Variants in WNK1 observed in about 807,000 individuals in gnomAD.
WNK1 encodes WNK lysine deficient protein kinase 1, also known as serine/threonine-protein kinase WNK1.
Under a neutral mutation model 222.8 loss-of-function variants are expected in WNK1, and 38 were observed. The ratio of observed to expected loss-of-function variants is 0.17; its 90% confidence interval spans 0.13 to 0.22. The LOEUF (loss-of-function observed/expected upper bound fraction) is 0.22. Ranked by LOEUF, WNK1 falls within the 10% of genes least tolerant of loss-of-function variation. The probability of loss-of-function intolerance (pLI) is 1.00; values close to 1 mark genes in which losing one functional copy is unlikely to be tolerated. For missense variants in WNK1, 2,348 were observed against 2,918.4 expected (o/e 0.80, Z 4.50); for synonymous variants, 1,090 against 1,092.9 (o/e 1.00, Z 0.05).
intron 4 of WNK1, among the ~76,000 whole-genome samples, chr12:848,983 A>G (rs1036351783): frequency 6.6e-6 from 1 of 152,082 alleles, no homozygotes; most frequent in Non-Finnish European, 1.5e-5. Context: ...TATCTGATGG[A>G]CCTTTGAGGC....
chr12:764,817 C>T (rs1383543845), intron 1 of WNK1, among the ~76,000 whole-genome samples: 1 of 147,210 alleles, frequency 6.8e-6, no homozygotes, highest in Non-Finnish European at 1.5e-5. Flanking sequence ...CCCTAGATTT[C>T]TGCACTGTTC....
chr12:779,826 A>G (rs1371379306), intron 1 of WNK1, among the ~76,000 whole-genome samples: 4 of 151,854 alleles, frequency 2.6e-5, no homozygotes, highest in African/African-American at 9.7e-5. Flanking sequence ...AGAACAAAGC[A>G]TTTTCTCTGT....
At chr12:896,020 GA>G in intron 23 of WNK1, 50 bp from the exon 24 acceptor site, 1 of 1,609,282 alleles carries the variant, frequency 6.2e-7, no homozygotes, top group South Asian at 1.1e-5. Flanking sequence ...GTCTGTGATA[GA>G]AATTGGATAT....
chr12:802,007 C>T (rs1212453833), intron 1 of WNK1, among the ~76,000 whole-genome samples: 3 of 152,026 alleles, frequency 2.0e-5, no homozygotes. Flanking sequence ...ATCAACTTCC[C>T]CTCACAGTTT....
chr12:804,087 T>C (rs982075499), intron 1 of WNK1, among the ~76,000 whole-genome samples: 1 of 152,226 alleles, frequency 6.6e-6, no homozygotes, highest in South Asian at 2.1e-4. Context: ...CTTTTTCTCA[T>C]GTACCTCAAG....
chr12:868,948 T>C (rs1224091175), intron 8 of WNK1: 2 of 1,589,084 alleles, frequency 1.3e-6, no homozygotes, highest in Non-Finnish European at 1.7e-6. Context: ...GGGGAGCAGC[T>C]GCACCTTTTG....
At chr12:784,874 G>A (rs920438495) in intron 1 of WNK1, among the ~76,000 whole-genome samples, 34 of 151,842 alleles carry the variant, frequency 2.2e-4, no homozygotes, top group African/African-American at 8.2e-4. Flanking sequence ...TCTCTTTCTT[G>A]GTCTCCTCAT....
rs568749583 is a variant in WNK1, at chr12:888,122, TA to T, written c.5364+821del. Among the ~76,000 whole-genome samples the T allele has an allele frequency of 8.3e-4, 126 of 152,368 alleles. 1 individual carries two copies. The highest frequency in any genetic ancestry group is 6.8e-3 in the Middle Eastern group (2 of 294). ...GAGACAAGCCAGTAAACTTTTAAAC[TA>T]AATTAGGAATTTATTTTTGAATCAT... On this transcript the variant is annotated intron_variant, in intron 20 of 27. Transcript: ENST00000315939.
At position 885,507 on chromosome 12, in the gene WNK1, A is replaced by C. The variant is rs776834411; in HGVS notation, c.4703A>C (p.His1568Pro). 6.8e-6 allele frequency: 11 copies of C among 1,613,948 alleles called. No individual in the cohort carries two copies. The African/African-American group carries it at 1.3e-4, about 20-fold the overall frequency. The change falls in exon 19 of 28, where the codon CAT becomes CCT. Residue 1568 changes from histidine (H) to proline (P), a missense_variant. His to Pro is a moderately conservative substitution (Grantham distance 77). Around this residue, in one of 13 missense-constraint regions of WNK1, gnomAD observed 1,144 missense variants for 1,273.6 expected, o/e 0.90. Coordinates refer to ENST00000315939, the MANE Select transcript of WNK1 (RefSeq NM_018979.4). ...SSYISQPGGL[H>P]PLVIPSVIAS... ...TATATTTCTCAGCCTGGTGGGCTGC[A>C]TCCTTTGGTCATTCCATCAGTGATA...
intron 1 of WNK1, among the ~76,000 whole-genome samples, chr12:801,190 A>G (rs909408223): frequency 6.6e-6 from 1 of 152,178 alleles, no homozygotes; most frequent in Admixed American, 6.5e-5. Flanking sequence ...ACAGTAAAGT[A>G]AGCTGTTTAT....
chr12:906,605 A>G, intron 26 of WNK1: 1 of 985,320 alleles, frequency 1.0e-6, no homozygotes, highest in South Asian at 4.7e-5. Context: ...TTTCCTCATG[A>G]ATAATCTTGT....
intron 2 of WNK1, among the ~76,000 whole-genome samples, chr12:818,064 A>G (rs573354084): frequency 6.6e-6 from 1 of 152,342 alleles, no homozygotes; most frequent in East Asian, 1.9e-4. Flanking sequence ...AGAAAGTACA[A>G]TTCAGTGGCA....
intron 1 of WNK1, among the ~76,000 whole-genome samples, chr12:800,228 C>G (rs78154122): frequency 2.6e-5 from 4 of 152,022 alleles, no homozygotes; most frequent in African/African-American, 9.7e-5. Flanking sequence ...GAAGTCATAT[C>G]AAAAAATCAC....
intron 1 of WNK1, among the ~76,000 whole-genome samples, chr12:761,745 A>G (rs1016889930): frequency 6.8e-6 from 1 of 147,918 alleles, no homozygotes; most frequent in Non-Finnish European, 1.5e-5. Context: ...TGATATATCT[A>G]TCTTTATGTG....
chr12:852,802 T>C (rs1477136526), intron 4 of WNK1, among the ~76,000 whole-genome samples: 1 of 152,226 alleles, frequency 6.6e-6, no homozygotes, highest in Non-Finnish European at 1.5e-5. Flanking sequence ...ACTGTAACTT[T>C]GTATTTATTT....
intron 26 of WNK1, chr12:907,600 G>A: frequency 1.8e-6 from 1 of 555,162 alleles, no homozygotes; most frequent in Non-Finnish European, 3.2e-6. Flanking sequence ...GCCCCTGCCT[G>A]TGTACCTACC....
At position 885,901 on chromosome 12, in the gene WNK1, A is replaced by G. The variant is rs148984826; in HGVS notation, c.5097A>G (p.Pro1699=). 6.2e-6 allele frequency: 10 copies of G among 1,609,430 alleles called. No individual in the cohort carries two copies. In the African/African-American group the frequency reaches 9.4e-5, roughly 15 times the overall value. ...TPGIPTTAVA[P]SKLLTSTTST... ...GCATCCCAACTACTGCTGTTGCACC[A>G]AGCAAACTCCTGACTTCTACCACAA... is the stretch of plus-strand genomic sequence containing the variant. Residue 1699 remains proline (P), a synonymous_variant, in exon 19 of 28, where the codon CCA becomes CCG. Transcript: ENST00000315939.
Position 879,654 on chromosome 12 carries a change from C to T in WNK1, c.2455C>T (p.His819Tyr). 6.2e-7 allele frequency: 1 copy of T among 1,613,682 alleles called. No homozygotes were observed. The highest frequency in any genetic ancestry group is 8.5e-7 in the Non-Finnish European group (1 of 1,179,950). ...GACACAACCCTCGGTTGTTCCAGTC[C>T]ACTCTGGTGCTCATTTCCTTCCAGT... ...VATQPSVVPV[H>Y]SGAHFLPVGQ... The change falls in exon 11 of 28, where the codon CAC (histidine) becomes TAC (tyrosine). Residue 819 changes from histidine (H) to tyrosine (Y), a missense_variant. By Grantham distance (83) the His-to-Tyr change is moderately conservative. This residue lies in a region of WNK1 where 547 missense variants were observed against 558.3 expected (regional missense o/e 0.98). Transcript: ENST00000315939.
At chr12:813,578 A>AT in intron 1 of WNK1, 64 bp from the exon 2 acceptor site, 1 of 1,550,376 alleles carries the variant, frequency 6.5e-7, no homozygotes, top group Non-Finnish European at 8.8e-7. Flanking sequence ...AGTGTCTAAG[A>AT]TTAACTGTCT....
Sources: allele counts gnomAD v4.1 joint callset (sites outside exome capture counted in the v4.1 genomes callset), GRCh38; gene constraint gnomAD v4.1.1; regional missense constraint gnomAD v4.1.1; transcripts MANE v1.5; gene names NCBI Gene and HGNC (gene_info 2026-07-23, HGNC 2026-07-21).